Variants in ANKRD30BL observed in about 807,000 individuals in gnomAD.
ANKRD30BL encodes the protein ankyrin repeat domain 30B like.
A neutral mutation model predicts 18.4 loss-of-function variants in ANKRD30BL; 20 were observed. The ratio of observed to expected loss-of-function variants is 1.09; its 90% CI spans 0.77 to 1.58. The LOEUF (loss-of-function observed/expected upper bound fraction) is 1.58, where lower values mean the gene tolerates loss of function less well. Among genes scored for constraint, ANKRD30BL ranks in the 40% most tolerant of loss-of-function variants. The probability of loss-of-function intolerance (pLI) is 0.00; values close to 1 mark genes in which losing one functional copy is unlikely to be tolerated. For synonymous variants in ANKRD30BL, 72 were observed against 100.9 expected, an observed-to-expected ratio of 0.71 and a Z score of 1.72; for missense variants, 224 against 268.6, an observed-to-expected ratio of 0.83 and a Z score of 1.16.
chr2:132,192,036 T>G (rs1052321790), intron 1 of ANKRD30BL, among the ~76,000 whole-genome samples: 1 of 152,182 alleles, frequency 6.6e-6, no homozygotes, highest in African/African-American at 2.4e-5. Context: ...AGTTTGATAT[T>G]TTTTTCTACA....
chr2:132,222,262 G>T lies in ANKRD30BL; in HGVS notation n.441+35267C>A, dbSNP rs566307510. Among the ~76,000 whole-genome samples, 12 of 150,498 alleles carry T rather than the reference G, an allele frequency of 8.0e-5. No individual in the cohort carries two copies. In the South Asian group the frequency reaches 2.5e-3, roughly 31 times the overall value. On this transcript the variant is annotated intron_variant and non_coding_transcript_variant, in intron 1 of 4. Coordinates refer to the ANKRD30BL transcript ENST00000470729. ...AGCCGCCCCATCCGGGAGGTGAGGG[G>T]CGCTTCTGCCCGGCCGCCCCTACTG...
chr2:132,213,685 T>C (rs1052456071), intron 1 of ANKRD30BL, among the ~76,000 whole-genome samples: 1 of 152,244 alleles, frequency 6.6e-6, no homozygotes, highest in African/African-American at 2.4e-5. Flanking sequence ...GTGAAACTTC[T>C]TTGTGATGTG....
intron 1 of ANKRD30BL, among the ~76,000 whole-genome samples, chr2:132,172,697 T>C (rs1338906278): frequency 6.6e-6 from 1 of 151,176 alleles, no homozygotes; most frequent in Non-Finnish European, 1.5e-5. Context: ...GTTGTTCCAC[T>C]GTCTTGAGGG....
At chr2:132,249,939 C>T (rs1680606335) in intron 1 of ANKRD30BL, among the ~76,000 whole-genome samples, 1 of 152,170 alleles carries the variant, frequency 6.6e-6, no homozygotes, top group Non-Finnish European at 1.5e-5. Context: ...ACACACACAT[C>T]ACAAAGCAGT....
chr2:132,150,390 A>G (rs899357158), intron 5 of ANKRD30BL, among the ~76,000 whole-genome samples: 10 of 151,654 alleles, frequency 6.6e-5, no homozygotes, highest in Non-Finnish European at 1.2e-4. Flanking sequence ...ATTAATTCCT[A>G]CTTTTCATTA....
chr2:132,198,290 T>TTG, intron 1 of ANKRD30BL, among the ~76,000 whole-genome samples: 1 of 9,930 alleles, frequency 1.0e-4, no homozygotes, highest in African/African-American at 2.8e-4. Flanking sequence ...CTTTCTTTCT[T>TTG]TCTTTCTTTC....
chr2:132,241,956 C>T (rs566821575), intron 1 of ANKRD30BL, among the ~76,000 whole-genome samples: 1,782 of 151,818 alleles, frequency 0.012, 22 homozygotes, highest in Non-Finnish European at 0.019. Flanking sequence ...AGTTTTTAAA[C>T]ACACTTTTTG....
chr2:132,224,504 G>A (rs1679788334), intron 1 of ANKRD30BL, among the ~76,000 whole-genome samples: 1 of 151,850 alleles, frequency 6.6e-6, no homozygotes, highest in Non-Finnish European at 1.5e-5. Flanking sequence ...GGCATTCTCA[G>A]AAACTTCTTT....
intron 1 of ANKRD30BL, among the ~76,000 whole-genome samples, chr2:132,212,562 A>G (rs999029281): frequency 6.6e-6 from 1 of 151,442 alleles, no homozygotes; most frequent in African/African-American, 2.4e-5. Context: ...TGATTGAGCA[A>G]CTTGGAAACT....
chr2:132,256,447 G>A (rs1183366102), intron 1 of ANKRD30BL, among the ~76,000 whole-genome samples: 2 of 152,226 alleles, frequency 1.3e-5, no homozygotes, highest in Non-Finnish European at 2.9e-5. Context: ...TGCGGCAGCC[G>A]CGAGGGACCG....
intron 1 of ANKRD30BL, among the ~76,000 whole-genome samples, chr2:132,232,999 C>G (rs1050075399): frequency 5.3e-5 from 8 of 152,044 alleles, no homozygotes; most frequent in African/African-American, 1.7e-4. Flanking sequence ...GGCAGAAACC[C>G]TACAAGCCAG....
At chr2:132,253,011 G>C (rs923879989) in intron 1 of ANKRD30BL, 1 of 152,890 alleles carries the variant, frequency 6.5e-6, no homozygotes, top group Non-Finnish European at 1.5e-5. Flanking sequence ...AGGGGGAGGG[G>C]GAAGGGGCGG....
At chr2:132,253,873 C>A (rs78152127) in intron 1 of ANKRD30BL, among the ~76,000 whole-genome samples, 1 of 150,972 alleles carries the variant, frequency 6.6e-6, no homozygotes, top group African/African-American at 2.4e-5. Flanking sequence ...GGAGAGCAAG[C>A]GGGCCGGGCC....
chr2:132,184,703 C>CTTTT (rs76215687), intron 1 of ANKRD30BL, among the ~76,000 whole-genome samples: 2 of 148,256 alleles, frequency 1.3e-5, no homozygotes, highest in South Asian at 2.1e-4. Flanking sequence ...TATATCTTTC[C>CTTTT]TTTTTTTTTT....
At position 132,161,886 on chromosome 2, in the gene ANKRD30BL, G is replaced by T. The variant is rs1573807462; in HGVS notation, c.-181C>A. ...CGGGAGAAAATGGCTGCGCAAAACC[G>T]TTAGGCAGCTGAGCAGAACCGTTAG... On this transcript the variant is annotated 5_prime_UTR_variant, in exon 1 of 6. Transcript: ENST00000409867. The T allele has an allele frequency of 5.1e-6, 3 of 592,750 alleles. No homozygotes were observed. The highest frequency in any genetic ancestry group is 6.1e-6 in the Non-Finnish European group (2 of 328,720). 36.7% of individuals were successfully genotyped at this position (592,750 alleles called of 1,614,324 possible). A position where few individuals can be genotyped will look rare whatever the true frequency, so the allele number is the denominator to read the frequency against.
chr2:132,209,048 C>G (rs1161616897), intron 1 of ANKRD30BL, among the ~76,000 whole-genome samples: 1 of 151,868 alleles, frequency 6.6e-6, no homozygotes, highest in Admixed American at 6.6e-5. Flanking sequence ...AGAAACTCCT[C>G]TGTGATCTGT....
intron 1 of ANKRD30BL, among the ~76,000 whole-genome samples, chr2:132,178,174 G>A (rs1435372248): frequency 6.6e-6 from 1 of 152,286 alleles, no homozygotes; most frequent in African/African-American, 2.4e-5. Flanking sequence ...CTGTGGACCA[G>A]TAGGGAATAC....
chr2:132,194,745 T>C (rs1342252456), intron 1 of ANKRD30BL, among the ~76,000 whole-genome samples: 1 of 152,212 alleles, frequency 6.6e-6, no homozygotes, highest in African/African-American at 2.4e-5. Flanking sequence ...GATCTAAACA[T>C]TAATTCAAGT....
At chr2:132,216,313 T>C (rs998429098) in intron 1 of ANKRD30BL, among the ~76,000 whole-genome samples, 27 of 151,798 alleles carry the variant, frequency 1.8e-4, no homozygotes, top group African/African-American at 6.5e-4. Flanking sequence ...TGCAAGTTGA[T>C]ATTTGGAGCA....
Sources: gnomAD v4.1 joint callset for allele counts (sites outside exome capture counted in the v4.1 genomes callset) on GRCh38, gnomAD v4.1.1 for gene constraint, MANE v1.5 for transcripts, NCBI Gene and HGNC (gene_info 2026-07-23, HGNC 2026-07-21) for gene names.